The following ANKS1B variants were observed in gnomAD, a reference collection of about 807,000 sequenced individuals.
ANKS1B encodes the protein ankyrin repeat and sterile alpha motif domain containing 1B.
ANKS1B carries 36 observed loss-of-function variants against 148.3 expected under a neutral mutation model. The observed-to-expected ratio is 0.24, with a 90% CI of 0.19 to 0.32. The LOEUF is 0.32. Among genes scored for constraint, ANKS1B ranks in the 10% least tolerant of loss-of-function variants. The pLI, the probability that ANKS1B is intolerant of heterozygous loss-of-function variation, is 1.00. For missense variants in ANKS1B, 1,157 were observed against 1,542.6 expected (o/e 0.75, Z 4.19); for synonymous variants, 542 against 560.8 (o/e 0.97, Z 0.47).
At chr12:98,897,241 TTAAAC>T (rs1267972246) in intron 17 of ANKS1B, among the ~76,000 whole-genome samples, 1 of 152,142 alleles carries the variant, frequency 6.6e-6, no homozygotes, top group Non-Finnish European at 1.5e-5. Flanking sequence ...TCCTGCTTAA[TTAAAC>T]TAAGGAGCTT....
chr12:99,689,549 T>C (rs1317058394), intron 8 of ANKS1B, among the ~76,000 whole-genome samples: 2 of 152,224 alleles, frequency 1.3e-5, no homozygotes, highest in African/African-American at 2.4e-5. Flanking sequence ...AGAAGTTATG[T>C]AGATGTAATC....
chr12:98,857,191 A>G (rs942082159), intron 17 of ANKS1B, among the ~76,000 whole-genome samples: 2 of 152,204 alleles, frequency 1.3e-5, no homozygotes, highest in Admixed American at 1.3e-4. Context: ...AAGAAGACCA[A>G]AGACATTTTC....
chr12:99,636,212 T>C (rs1225592513), intron 9 of ANKS1B, among the ~76,000 whole-genome samples: 1 of 152,126 alleles, frequency 6.6e-6, no homozygotes, highest in Non-Finnish European at 1.5e-5. Context: ...AATTCTTGCT[T>C]TCACAGTAAT....
intron 1 of ANKS1B, among the ~76,000 whole-genome samples, chr12:99,952,977 C>T (rs1189700242): frequency 6.6e-6 from 1 of 152,142 alleles, no homozygotes. Context: ...CTTTTGGACA[C>T]AGTGAATTCC....
rs543741427 is a variant in ANKS1B, at chr12:99,465,872, T to G, written c.1439-22063A>C. Among the ~76,000 whole-genome samples, 346 of 152,148 alleles carry G rather than the reference T, an allele frequency of 2.3e-3. 1 individual carries two copies. Among genetic ancestry groups the G allele is most frequent in the African/African-American group, 8.1e-3 (337 of 41,494 alleles). ...GACTATAACACCCCACTGTCAACAT[T>G]AGACAGATCAACGAGACAGAAAGTT... is the stretch of plus-strand genomic sequence containing the variant. On this transcript the variant is annotated intron_variant, in intron 10 of 26. Transcript: ENST00000683438.
At chr12:99,155,366 C>A (rs1200332421) in intron 14 of ANKS1B, among the ~76,000 whole-genome samples, 1 of 152,062 alleles carries the variant, frequency 6.6e-6, no homozygotes, top group Non-Finnish European at 1.5e-5. Flanking sequence ...CTGCAAAATA[C>A]AGAAACTGCA....
chr12:99,080,501 G>A (rs1457743635), intron 16 of ANKS1B, among the ~76,000 whole-genome samples: 2 of 152,178 alleles, frequency 1.3e-5, no homozygotes, highest in Non-Finnish European at 2.9e-5. Flanking sequence ...AACAGCGTGA[G>A]CATACAATAT....
intron 4 of ANKS1B, among the ~76,000 whole-genome samples, chr12:99,803,305 CA>C (rs1296603366): frequency 4.6e-4 from 44 of 96,440 alleles, no homozygotes; most frequent in Admixed American, 7.7e-4. Context: ...GCAATGAGAC[CA>C]AAAAAAAAAC....
intron 15 of ANKS1B, among the ~76,000 whole-genome samples, chr12:99,126,356 T>A (rs2064343688): frequency 1.3e-5 from 2 of 152,030 alleles, no homozygotes; most frequent in Non-Finnish European, 2.9e-5. Flanking sequence ...GGGGGTAGGG[T>A]AGTCTGAGGG....
intron 14 of ANKS1B, among the ~76,000 whole-genome samples, chr12:99,232,051 T>A (rs965777261): frequency 5.3e-5 from 8 of 151,998 alleles, no homozygotes; most frequent in Non-Finnish European, 8.8e-5. Flanking sequence ...GCCCCTCAGA[T>A]CCCAGGAAGA....
intron 11 of ANKS1B, among the ~76,000 whole-genome samples, chr12:99,437,322 T>C (rs1001288985): frequency 3.3e-5 from 5 of 151,966 alleles, no homozygotes; most frequent in African/African-American, 4.8e-5. Flanking sequence ...TTAATACTAT[T>C]ACATTGGGGA....
chr12:99,154,657 T>G, intron 14 of ANKS1B: 2 of 1,440,478 alleles, frequency 1.4e-6, no homozygotes, highest in South Asian at 1.5e-5. Context: ...TACCGACCAG[T>G]ACGTCATACA....
chr12:99,242,888 T>C (rs527278453), intron 14 of ANKS1B, among the ~76,000 whole-genome samples: 1 of 152,166 alleles, frequency 6.6e-6, no homozygotes, highest in South Asian at 2.1e-4. Flanking sequence ...ATACAAAAAT[T>C]AACTCAAGAT....
At chr12:99,637,619 T>C (rs774860219) in intron 9 of ANKS1B, among the ~76,000 whole-genome samples, 1 of 151,936 alleles carries the variant, frequency 6.6e-6, no homozygotes, top group Non-Finnish European at 1.5e-5. Context: ...TATGCTGGCT[T>C]AGCCTCCCAG....
At chr12:98,794,772 T>A in intron 22 of ANKS1B, 1 of 1,257,368 alleles carries the variant, frequency 8.0e-7, no homozygotes, top group South Asian at 1.2e-5. Context: ...ATGAAGAGAA[T>A]TGAAGAGATC....
intron 1 of ANKS1B, among the ~76,000 whole-genome samples, chr12:99,930,470 C>A (rs1302798400): frequency 6.6e-6 from 1 of 152,156 alleles, no homozygotes; most frequent in Non-Finnish European, 1.5e-5. Flanking sequence ...TTCTTCTTTT[C>A]CTAATCGAAT....
At chr12:99,750,282 G>C (rs7485893) in intron 8 of ANKS1B, among the ~76,000 whole-genome samples, 35,086 of 151,936 alleles carry the variant, frequency 0.23, 4,641 homozygotes, top group Non-Finnish European at 0.31. Context: ...CAAATGCTTA[G>C]AGGTCACTAT....
At chr12:99,010,141 A>T (rs2099938462) in intron 17 of ANKS1B, among the ~76,000 whole-genome samples, 1 of 152,144 alleles carries the variant, frequency 6.6e-6, no homozygotes, top group South Asian at 2.1e-4. Flanking sequence ...GAGGCAGAGG[A>T]GTGTGATGAT....
intron 14 of ANKS1B, among the ~76,000 whole-genome samples, chr12:99,156,151 A>G (rs970546358): frequency 1.3e-5 from 2 of 152,208 alleles, no homozygotes; most frequent in African/African-American, 4.8e-5. Context: ...CACAGACATT[A>G]AACCTCAAAA....
Sources: allele counts gnomAD v4.1 joint callset (sites outside exome capture counted in the v4.1 genomes callset), GRCh38; gene constraint gnomAD v4.1.1; transcripts MANE v1.5; gene names NCBI Gene and HGNC (gene_info 2026-07-23, HGNC 2026-07-21).